The following INTS7 variants were observed in gnomAD, a reference collection of about 807,000 sequenced individuals.
The protein encoded by INTS7 is chromosome 1 open reading frame 73.
Under a neutral mutation model 109.2 loss-of-function variants are expected in INTS7, and 46 were observed. The observed-to-expected ratio is 0.42, with a 90% CI of 0.33 to 0.54. The LOEUF is 0.54. Among genes scored for constraint, INTS7 ranks in the 20% least tolerant of loss-of-function variants. The pLI is 0.07. For synonymous variants in INTS7, 412 were observed against 402.9 expected, an observed-to-expected ratio of 1.02 and a Z score of -0.27; for missense variants, 929 against 1,132.4, an observed-to-expected ratio of 0.82 and a Z score of 2.58.
intron 3 of INTS7, among the ~76,000 whole-genome samples, chr1:212,017,995 A>G (rs1045166837): frequency 6.6e-6 from 1 of 152,222 alleles, no homozygotes; most frequent in Non-Finnish European, 1.5e-5. Flanking sequence ...GACTAGGCTA[A>G]TACTGACACA....
Position 211,968,555 on chromosome 1 carries a change from G to C in INTS7, c.1968C>G (p.Thr656=), listed in dbSNP as rs1664015464. 1.9e-6 allele frequency: 3 copies of C among 1,613,976 alleles called. No individual in the cohort carries two copies. In the African/African-American group the frequency reaches 4.0e-5, roughly 22 times the overall value. ...PPAIATTIAM[T]LGNDLQRCGR... ...CACACCTCTGGAGGTCATTTCCTAA[G>C]GTCATGGCAATTGTTGTGGCAATTG... The change falls in exon 14 of 20, where the codon ACC becomes ACG. Residue 656 remains threonine, a synonymous_variant. Coordinates refer to ENST00000366994, the MANE Select transcript of INTS7 (RefSeq NM_015434.4).
rs530214701 is a variant in INTS7, at chr1:211,960,219, T to C, written c.2183+6211A>G. Among the ~76,000 whole-genome samples, 3 of 151,982 alleles carry C rather than the reference T, an allele frequency of 2.0e-5. No individual in the cohort carries two copies. The South Asian group carries it at 6.2e-4, about 32-fold the overall frequency. On this transcript the variant is annotated intron_variant, in intron 16 of 19. Transcript: ENST00000366994. ...TGAGCCTTGGCTCCCTGAAATCTTCTGGAAATGAAGCCAGTTGATTAAACC... is the reference window on the plus strand; with the variant it reads ...TGAGCCTTGGCTCCCTGAAATCTTCCGGAAATGAAGCCAGTTGATTAAACC...
At chr1:211,979,534 A>G (rs959653527) in intron 10 of INTS7, among the ~76,000 whole-genome samples, 4 of 152,246 alleles carry the variant, frequency 2.6e-5, no homozygotes, top group Non-Finnish European at 4.4e-5. Context: ...AGACATTCAA[A>G]TAACAATAAT....
At chr1:211,975,036 G>A in intron 13 of INTS7, 130 bp downstream of exon 13, 1 of 650,858 alleles carries the variant, frequency 1.5e-6, no homozygotes. Context: ...AAAAGGTTAA[G>A]GGTTTATTTC....
intron 15 of INTS7, 112 bp from the exon 16 acceptor site, chr1:211,966,610 A>C: frequency 1.5e-6 from 1 of 676,562 alleles, no homozygotes; most frequent in East Asian, 2.6e-5. Context: ...GAAGGTAATC[A>C]TAATGTTATC....
intron 3 of INTS7, among the ~76,000 whole-genome samples, chr1:212,017,586 TA>T (rs1273669009): frequency 6.6e-5 from 10 of 152,210 alleles, no homozygotes. Context: ...GTCTACTTTA[TA>T]ATAAAATCAT....
At chr1:212,017,157 A>G (rs940743834) in intron 3 of INTS7, 134 bp from the exon 4 acceptor site, 4 of 590,548 alleles carry the variant, frequency 6.8e-6, no homozygotes, top group African/African-American at 3.9e-5. Flanking sequence ...TTAATAAAGC[A>G]TAACTTTAGA....
At chr1:211,980,811 T>G (rs2102426984) in intron 10 of INTS7, among the ~76,000 whole-genome samples, 1 of 152,298 alleles carries the variant, frequency 6.6e-6, no homozygotes, top group East Asian at 1.9e-4. Context: ...GAAAATTCCT[T>G]AAAATATTCT....
Position 211,967,935 on chromosome 1 carries a change from C to A in INTS7, c.2057G>T (p.Gly686Val). ...EEFRSLASRY[G>V]DLYQASFDAD... Reference sequence around the variant, plus strand: ...ATCAAAAGATGCCTGGTAAAGATCTCCATATCGAGAAGCAAGGCTTCGAAA... The same window carrying A: ...ATCAAAAGATGCCTGGTAAAGATCTACATATCGAGAAGCAAGGCTTCGAAA... Residue 686 changes from glycine to valine, a missense_variant, in exon 15 of 20, where the codon GGA (glycine) becomes GTA (valine). Gly to Val is a moderately radical substitution (Grantham distance 109). Transcript: ENST00000366994. The A allele has an allele frequency of 3.7e-6, 6 of 1,609,212 alleles. No homozygotes were observed. The highest frequency in any genetic ancestry group is 5.1e-6 in the Non-Finnish European group (6 of 1,177,882).
At chr1:212,015,399 A>G (rs1178896213) in intron 4 of INTS7, among the ~76,000 whole-genome samples, 2 of 152,114 alleles carry the variant, frequency 1.3e-5, no homozygotes, top group African/African-American at 2.4e-5. Context: ...GTTAATCTAT[A>G]ACCTTACCCC....
rs200095234 is a variant in INTS7, at chr1:211,967,952, G to T, written c.2040C>A (p.Ser680Arg). The T allele has an allele frequency of 6.9e-6, 11 of 1,603,688 alleles. 1 individual carries two copies. The highest frequency in any genetic ancestry group is 7.7e-6 in the Non-Finnish European group (9 of 1,174,592). ...AAAGATCTCCATATCGAGAAGCAAGGCTTCGAAATTCTTCCATGGACTGTT... is the reference window on the plus strand; with the variant it reads ...AAAGATCTCCATATCGAGAAGCAAGTCTTCGAAATTCTTCCATGGACTGTT... ...QMKQSMEEFR[S>R]LASRYGDLYQ... Residue 680 changes from serine (S) to arginine (R), a missense_variant, in exon 15 of 20, where the codon AGC (serine) becomes AGA (arginine). This residue lies in a region of INTS7 where 787 missense variants were observed against 901.1 expected (regional missense o/e 0.87). Transcript: ENST00000366994.
At chr1:212,003,305 CA>C (rs35903155) in intron 7 of INTS7, among the ~76,000 whole-genome samples, 8,908 of 61,944 alleles carry the variant, frequency 0.14, 293 homozygotes, top group African/African-American at 0.24. Flanking sequence ...AATTTTAAAG[CA>C]AAAAAAAAAA....
At position 212,015,152 on chromosome 1, in the gene INTS7, G is replaced by A. The variant is rs1197359156; in HGVS notation, c.509+1734C>T. On this transcript the variant is annotated intron_variant, in intron 4 of 19. Coordinates refer to ENST00000366994, the MANE Select transcript of INTS7 (RefSeq NM_015434.4). Reference sequence around the variant, plus strand: ...GGAGGTGGGGGGCAGCCCCTGCCCGGGAAGTGTGGGAAGTGAGGAGCCCCT... The same window carrying A: ...GGAGGTGGGGGGCAGCCCCTGCCCGAGAAGTGTGGGAAGTGAGGAGCCCCT... 2.0e-5 allele frequency among the ~76,000 whole-genome samples: 3 copies of A among 151,400 alleles called. No individual in the cohort carries two copies. The East Asian group carries it at 5.9e-4, about 30-fold the overall frequency.
intron 4 of INTS7, among the ~76,000 whole-genome samples, chr1:212,015,151 G>T (rs1038940272): frequency 6.6e-6 from 1 of 151,566 alleles, no homozygotes; most frequent in Non-Finnish European, 1.5e-5. Context: ...GCCCCTGCCC[G>T]GGAAGTGTGG....
chr1:211,983,967 C>T (rs566030888), intron 8 of INTS7, among the ~76,000 whole-genome samples: 7 of 152,044 alleles, frequency 4.6e-5, no homozygotes, highest in African/African-American at 9.6e-5. Context: ...AGGACTCCAG[C>T]GATCCTCCCA....
chr1:211,953,477 G>A (rs1663210632), intron 16 of INTS7, among the ~76,000 whole-genome samples: 1 of 150,662 alleles, frequency 6.6e-6, no homozygotes, highest in Admixed American at 6.6e-5. Context: ...GTATACATGT[G>A]CCATGTTGGT....
intron 4 of INTS7, among the ~76,000 whole-genome samples, chr1:212,016,076 T>C (rs1252407729): frequency 6.6e-6 from 1 of 152,216 alleles, no homozygotes; most frequent in Non-Finnish European, 1.5e-5. Context: ...CCGTATTCTA[T>C]TGTATGATCA....
chr1:211,944,997 C>T, intron 18 of INTS7, 28 bp from the exon 19 acceptor site: 1 of 1,607,426 alleles, frequency 6.2e-7, no homozygotes, highest in South Asian at 1.1e-5. Context: ...AAATAAATGC[C>T]AACAACCAAG....
At chr1:211,967,818 T>G (rs1276172130) in intron 15 of INTS7, 60 bp downstream of exon 15, 8 of 834,648 alleles carry the variant, frequency 9.6e-6, no homozygotes, top group Non-Finnish European at 1.6e-5. Context: ...TCTGAGGTAG[T>G]CCGTATTTAA....
Sources: gnomAD v4.1 joint callset for allele counts (sites outside exome capture counted in the v4.1 genomes callset) on GRCh38, gnomAD v4.1.1 for gene constraint, gnomAD v4.1.1 regional missense constraint, MANE v1.5 for transcripts, NCBI Gene and HGNC (gene_info 2026-07-23, HGNC 2026-07-21) for gene names.